GARIN2: variants seen among roughly 807,000 people sequenced by gnomAD.
The protein encoded by GARIN2 is Golgi-associated RAB2 interactor protein 2.
At chr14:67,221,099 G>A in the GARIN2 span, among the ~76,000 whole-genome samples, 3 of 152,114 alleles carry the variant, frequency 2.0e-5, no homozygotes, top group Admixed American at 6.5e-5. Flanking sequence ...TAAGTATTTT[G>A]ATTATTATCA....
At chr14:67,217,048 G>T in the GARIN2 span, among the ~76,000 whole-genome samples, 4 of 152,070 alleles carry the variant, frequency 2.6e-5, no homozygotes, top group Non-Finnish European at 5.9e-5. Flanking sequence ...ATCTCTATTT[G>T]CCTTTAGATC....
At chr14:67,203,069 G>A in the GARIN2 span, 8 of 1,604,428 alleles carry the variant, frequency 5.0e-6, no homozygotes, top group East Asian at 4.5e-5. Flanking sequence ...ATCATATAAC[G>A]CCTTTTCCTG....
chr14:67,200,552 A>T, the GARIN2 span: 24 of 223,218 alleles, frequency 1.1e-4, no homozygotes, highest in African/African-American at 5.4e-4. Context: ...CTCCTTGTTT[A>T]AAAAAAAATG....
chr14:67,204,461 A>T, the GARIN2 span: 15 of 1,443,386 alleles, frequency 1.0e-5, no homozygotes, highest in African/African-American at 2.2e-4. Context: ...AAACAAATAT[A>T]TATATATATA....
At chr14:67,195,713 T>TTGTG in the GARIN2 span, among the ~76,000 whole-genome samples, 4,527 of 143,194 alleles carry the variant, frequency 0.032, 122 homozygotes, top group African/African-American at 0.075. Flanking sequence ...TTCTTTTTGG[T>TTGTG]TGTGTGTGTG....
the GARIN2 span, among the ~76,000 whole-genome samples, chr14:67,213,688 G>T: frequency 6.6e-6 from 1 of 152,084 alleles, no homozygotes; most frequent in East Asian, 1.9e-4. Context: ...CCAGTAATGG[G>T]ATGGCTGGGT....
the GARIN2 span, chr14:67,201,580 C>G: frequency 2.2e-6 from 1 of 454,464 alleles, no homozygotes; most frequent in Admixed American, 2.4e-5. Context: ...TCTTGCTGGT[C>G]ACATGCCACT....
chr14:67,221,209 C>T, the GARIN2 span, among the ~76,000 whole-genome samples: 1 of 152,172 alleles, frequency 6.6e-6, no homozygotes, highest in African/African-American at 2.4e-5. Flanking sequence ...TATCCAACAA[C>T]CATAAGAAAT....
the GARIN2 span, among the ~76,000 whole-genome samples, chr14:67,224,207 T>C: frequency 2.0e-5 from 3 of 151,986 alleles, no homozygotes; most frequent in Non-Finnish European, 2.9e-5. Context: ...ATGCATGAAA[T>C]AGGGTCCAGG....
chr14:67,219,491 A>G, the GARIN2 span, among the ~76,000 whole-genome samples: 1 of 152,166 alleles, frequency 6.6e-6, no homozygotes, highest in African/African-American at 2.4e-5. Context: ...AGGATGAATG[A>G]CAGGTGTCTC....
chr14:67,207,200 A>G, the GARIN2 span, among the ~76,000 whole-genome samples: 7 of 152,254 alleles, frequency 4.6e-5, no homozygotes, highest in South Asian at 1.5e-3. Flanking sequence ...AATAAAGAAA[A>G]GAGGGTTAAT....
At chr14:67,203,026 C>T in the GARIN2 span, 2 of 1,516,700 alleles carry the variant, frequency 1.3e-6, no homozygotes, top group East Asian at 4.5e-5. Context: ...TTACACTTCT[C>T]AGGCAAGCAA....
At chr14:67,205,189 A>G in the GARIN2 span, 307 of 1,216,874 alleles carry the variant, frequency 2.5e-4, 1 homozygote, top group Admixed American at 2.4e-3. Context: ...TCAAAATGCT[A>G]TGGAACCTAC....
At chr14:67,203,343 G>A in the GARIN2 span, 4 of 1,430,884 alleles carry the variant, frequency 2.8e-6, no homozygotes, top group African/African-American at 1.4e-5. Context: ...ATGTGCATTA[G>A]CCCTGTGGAT....
At chr14:67,223,414 G>A in the GARIN2 span, among the ~76,000 whole-genome samples, 1 of 152,222 alleles carries the variant, frequency 6.6e-6, no homozygotes, top group Non-Finnish European at 1.5e-5. Flanking sequence ...TGCTATCATA[G>A]CTTACAAGAA....
chr14:67,195,532 T>G, the GARIN2 span, among the ~76,000 whole-genome samples: 1 of 152,198 alleles, frequency 6.6e-6, no homozygotes, highest in Non-Finnish European at 1.5e-5. Flanking sequence ...TATTTTCATT[T>G]TCTCAGAGTG....
At chr14:67,219,609 A>G in the GARIN2 span, among the ~76,000 whole-genome samples, 1 of 152,354 alleles carries the variant, frequency 6.6e-6, no homozygotes, top group African/African-American at 2.4e-5. Context: ...AGGATGAAAA[A>G]GGCTCAGCAG....
chr14:67,201,038 A>G, the GARIN2 span, among the ~76,000 whole-genome samples: 2 of 152,198 alleles, frequency 1.3e-5, no homozygotes, highest in Non-Finnish European at 2.9e-5. Flanking sequence ...GCTCATGGCT[A>G]TAATCCCAGT....
the GARIN2 span, among the ~76,000 whole-genome samples, chr14:67,192,952 A>G: frequency 6.8e-6 from 1 of 146,690 alleles, no homozygotes; most frequent in Non-Finnish European, 1.5e-5. Flanking sequence ...AAATATCTCT[A>G]TATATCTATA....
Sources: gnomAD v4.1 joint callset for allele counts (sites outside exome capture counted in the v4.1 genomes callset) on GRCh38, gnomAD v4.1.1 for gene constraint, MANE v1.5 for transcripts, NCBI Gene and HGNC (gene_info 2026-07-23, HGNC 2026-07-21) for gene names.